Variants in PRR5L observed in about 807,000 individuals in gnomAD.
PRR5L encodes proline-rich protein 5-like.
A neutral mutation model predicts 36.4 loss-of-function variants in PRR5L; 21 were observed. The ratio of observed to expected loss-of-function variants is 0.58; its 90% CI spans 0.41 to 0.83. The LOEUF is 0.83. Among genes scored for constraint, PRR5L ranks in the 40% least tolerant of loss-of-function variants. PRR5L has a pLI of 0.00. For synonymous variants in PRR5L, 188 were observed against 197.0 expected, an observed-to-expected ratio of 0.95 and a Z score of 0.38; for missense variants, 381 against 473.3, an observed-to-expected ratio of 0.80 and a Z score of 1.81.
At chr11:36,319,699 G>A (rs1285161805) in intron 1 of PRR5L, among the ~76,000 whole-genome samples, 1 of 92,908 alleles carries the variant, frequency 1.1e-5, no homozygotes, top group African/African-American at 4.1e-5. Flanking sequence ...TTTTTTTTTT[G>A]CTTAAGTGTA....
intron 1 of PRR5L, among the ~76,000 whole-genome samples, chr11:36,389,034 C>T (rs919706209): frequency 6.6e-6 from 1 of 152,190 alleles, no homozygotes; most frequent in Non-Finnish European, 1.5e-5. Context: ...CATCACCTTC[C>T]AGTATATGGG....
chr11:36,443,248 A>G (rs1858760714), intron 6 of PRR5L, among the ~76,000 whole-genome samples: 1 of 152,174 alleles, frequency 6.6e-6, no homozygotes, highest in South Asian at 2.1e-4. Flanking sequence ...AGATGGGGGA[A>G]GAGGCACCAG....
intron 8 of PRR5L, among the ~76,000 whole-genome samples, chr11:36,456,697 T>G (rs986627801): frequency 4.6e-5 from 7 of 152,244 alleles, no homozygotes; most frequent in African/African-American, 1.7e-4. Flanking sequence ...TTCTGCGAAG[T>G]GGTTAGAAGC....
intron 8 of PRR5L, among the ~76,000 whole-genome samples, chr11:36,458,929 G>A (rs1040111061): frequency 6.6e-6 from 1 of 152,214 alleles, no homozygotes; most frequent in Non-Finnish European, 1.5e-5. Context: ...GGTCTTCAGG[G>A]TGTCAGAGAT....
At chr11:36,400,192 G>A (rs1251314965) in intron 1 of PRR5L, among the ~76,000 whole-genome samples, 2 of 152,230 alleles carry the variant, frequency 1.3e-5, no homozygotes, top group Admixed American at 1.3e-4. Context: ...AAGTGTGGGG[G>A]AAGGACTGTG....
chr11:36,329,424 G>A (rs538214345), intron 1 of PRR5L: 1 of 152,254 alleles, frequency 6.6e-6, no homozygotes, highest in South Asian at 2.1e-4. Flanking sequence ...AAAAGAGCAG[G>A]ATCCTATTTA....
intron 4 of PRR5L, among the ~76,000 whole-genome samples, chr11:36,427,319 C>T (rs1190713376): frequency 6.6e-6 from 1 of 152,036 alleles, no homozygotes; most frequent in African/African-American, 2.4e-5. Flanking sequence ...ACAATGGGCC[C>T]AGTTCCAAGT....
rs112761249 is a variant in PRR5L at position 36,403,463 on chromosome 11, G to GTTTGT, written c.245+88_245+89insGTTTT. Reference sequence around the variant, plus strand: ...GGCTACCGCCTTAGGAGCCTTAAGGGTTTTTTTTTTTTTTTTCCTGCTTGA... The same window carrying GTTTGT: ...GGCTACCGCCTTAGGAGCCTTAAGGGTTTGTTTTTTTTTTTTTTTTTCCTGCTTGA... On this transcript the variant is annotated intron_variant, in intron 3 of 8. Transcript: ENST00000530639. The GTTTGT allele has an allele frequency of 7.3e-4, 477 of 649,350 alleles. 1 individual carries two copies. Among genetic ancestry groups the GTTTGT allele is most frequent in the Non-Finnish European group, 8.7e-4 (355 of 406,102 alleles). The allele number at this position is 649,350 out of a possible 1,614,324, so 40.2% of individuals were successfully genotyped here. A position where few individuals can be genotyped will look rare whatever the true frequency, so the allele number is the denominator to read the frequency against.
Position 36,462,902 on chromosome 11 carries a change from C to A in PRR5L, c.*166C>A. ...CTAAGGGGAAACCGTTGTTGTAAAC[C>A]TCTTTATTTTGGTGACTGTGACCAC... On this transcript the variant is annotated 3_prime_UTR_variant, in exon 9 of 9. Transcript: ENST00000530639. The A allele has an allele frequency of 1.6e-6, 1 of 612,228 alleles. No individual in the cohort carries two copies. The highest frequency in any genetic ancestry group is 2.6e-6 in the Non-Finnish European group (1 of 392,046). The allele number at this position is 612,228 out of a possible 1,614,324, so 37.9% of individuals were successfully genotyped here.
chr11:36,325,114 A>C (rs1488814537), intron 1 of PRR5L, among the ~76,000 whole-genome samples: 3 of 152,174 alleles, frequency 2.0e-5, no homozygotes, highest in Non-Finnish European at 2.9e-5. Flanking sequence ...ATTCCAAAGA[A>C]TGGAATCTTG....
At chr11:36,388,899 C>A (rs1857509436) in intron 1 of PRR5L, among the ~76,000 whole-genome samples, 1 of 152,002 alleles carries the variant, frequency 6.6e-6, no homozygotes, top group Non-Finnish European at 1.5e-5. Context: ...CGGGGTTTCA[C>A]CGTGTTAGCT....
intron 1 of PRR5L, among the ~76,000 whole-genome samples, chr11:36,358,026 C>T (rs974241466): frequency 1.3e-5 from 2 of 152,164 alleles, no homozygotes; most frequent in African/African-American, 4.8e-5. Context: ...GAAGTTGAAA[C>T]CTCAGCATTA....
At chr11:36,349,237 T>C (rs986371657) in intron 1 of PRR5L, among the ~76,000 whole-genome samples, 1 of 147,454 alleles carries the variant, frequency 6.8e-6, no homozygotes, top group African/African-American at 2.5e-5. Flanking sequence ...TGAGCTGAGA[T>C]TGCACCACTG....
intron 1 of PRR5L, among the ~76,000 whole-genome samples, chr11:36,311,556 A>G (rs142904111): frequency 2.0e-5 from 3 of 152,368 alleles, no homozygotes; most frequent in Non-Finnish European, 1.5e-5. Flanking sequence ...TGAAAACTAT[A>G]AGACATTAAG....
At chr11:36,352,825 G>T (rs573200922) in intron 1 of PRR5L, among the ~76,000 whole-genome samples, 67 of 152,234 alleles carry the variant, frequency 4.4e-4, no homozygotes, top group Admixed American at 1.2e-3. Context: ...ATTGACTTTT[G>T]GACAGAGAGG....
intron 1 of PRR5L, among the ~76,000 whole-genome samples, chr11:36,378,246 T>C (rs916216885): frequency 1.3e-5 from 2 of 152,222 alleles, no homozygotes; most frequent in African/African-American, 4.8e-5. Flanking sequence ...ATTTAAAATT[T>C]AGCCCCTGGT....
intron 8 of PRR5L, among the ~76,000 whole-genome samples, chr11:36,457,816 A>G (rs1303634104): frequency 2.0e-5 from 3 of 152,146 alleles, no homozygotes; most frequent in Non-Finnish European, 4.4e-5. Flanking sequence ...GACTGGTTGT[A>G]GGGTTCAGGT....
chr11:36,402,829 G>A (rs1442391103), intron 2 of PRR5L, among the ~76,000 whole-genome samples: 2 of 152,226 alleles, frequency 1.3e-5, no homozygotes, highest in Non-Finnish European at 2.9e-5. Context: ...GCTGGCCTGC[G>A]AGAAATTCTT....
At chr11:36,371,615 G>A (rs1239922503) in intron 1 of PRR5L, among the ~76,000 whole-genome samples, 1 of 152,144 alleles carries the variant, frequency 6.6e-6, no homozygotes, top group Non-Finnish European at 1.5e-5. Flanking sequence ...GAAAACTTAT[G>A]GGAGGATATA....
Sources: allele counts gnomAD v4.1 joint callset (sites outside exome capture counted in the v4.1 genomes callset), GRCh38; gene constraint gnomAD v4.1.1; transcripts MANE v1.5; gene names NCBI Gene and HGNC (gene_info 2026-07-23, HGNC 2026-07-21).